The following ZBTB8A variants were observed in gnomAD, a reference collection of about 807,000 sequenced individuals.
ZBTB8A encodes zinc finger and BTB domain containing 8A.
Under a neutral mutation model 37.8 loss-of-function variants are expected in ZBTB8A, and 19 were observed. The observed-to-expected ratio is 0.50, with a 90% CI of 0.35 to 0.74. ZBTB8A has a LOEUF of 0.74. Among genes scored for constraint, ZBTB8A ranks in the 30% least tolerant of loss-of-function variants. The probability of loss-of-function intolerance (pLI) is 0.01; values close to 1 mark genes in which losing one functional copy is unlikely to be tolerated. For synonymous variants in ZBTB8A, 181 were observed against 185.2 expected (o/e 0.98, Z 0.19); for missense variants, 394 against 537.8 (o/e 0.73, Z 2.65).
intron 2 of ZBTB8A, among the ~76,000 whole-genome samples, chr1:32,555,594 C>G (rs1644195050): frequency 6.6e-6 from 1 of 152,082 alleles, no homozygotes; most frequent in African/African-American, 2.4e-5. Flanking sequence ...GCATCTTTTC[C>G]CCATCCTGCC....
At chr1:32,556,828 G>C (rs1644206596) in intron 2 of ZBTB8A, among the ~76,000 whole-genome samples, 1 of 151,954 alleles carries the variant, frequency 6.6e-6, no homozygotes, top group South Asian at 2.1e-4. Context: ...AGTGAGCCGA[G>C]ATTGTGCCAT....
chr1:32,565,004 T>C (rs1265830346), intron 2 of ZBTB8A, among the ~76,000 whole-genome samples: 7 of 152,168 alleles, frequency 4.6e-5, no homozygotes, highest in Non-Finnish European at 1.0e-4. Context: ...GCCCAGTGTT[T>C]CTCAAATTTT....
At chr1:32,592,895 A>G in intron 2 of ZBTB8A, 36 bp from the exon 3 acceptor site, 1 of 1,497,438 alleles carries the variant, frequency 6.7e-7, no homozygotes. Flanking sequence ...ATTGTAATGT[A>G]GGTTTTGGTA....
intron 1 of ZBTB8A, among the ~76,000 whole-genome samples, chr1:32,551,830 C>G (rs1398234298): frequency 6.6e-6 from 1 of 152,210 alleles, no homozygotes; most frequent in African/African-American, 2.4e-5. Context: ...GCTTCTGCCT[C>G]CTGAAATGCT....
chr1:32,550,103 A>G (rs1644139616), intron 1 of ZBTB8A, among the ~76,000 whole-genome samples: 1 of 152,088 alleles, frequency 6.6e-6, no homozygotes, highest in African/African-American at 2.4e-5. Context: ...CATGCCTGTA[A>G]TCTTAGCACT....
Position 32,599,578 on chromosome 1 carries a change from G to A in ZBTB8A, c.994-509G>A, listed in dbSNP as rs545136006. ...CTAAAAATACAAAAATTAGCTGGGC[G>A]TGGTGGCACGTGCCTGTAATACCAG... is the stretch of plus-strand genomic sequence containing the variant. On this transcript the variant is annotated intron_variant, in intron 4 of 4. Coordinates refer to ENST00000373510, the MANE Select transcript of ZBTB8A (RefSeq NM_001040441.3). 4.3e-4 allele frequency among the ~76,000 whole-genome samples: 65 copies of A among 152,128 alleles called. 1 individual carries two copies. Among genetic ancestry groups the A allele is most frequent in the South Asian group, 3.7e-3 (18 of 4,814 alleles).
intron 2 of ZBTB8A, among the ~76,000 whole-genome samples, chr1:32,576,266 T>A (rs1302640062): frequency 1.3e-5 from 2 of 152,242 alleles, no homozygotes; most frequent in African/African-American, 4.8e-5. Flanking sequence ...TGTGGCCTTT[T>A]AAGTAAAAGT....
intron 2 of ZBTB8A, among the ~76,000 whole-genome samples, chr1:32,564,872 C>T (rs1363363669): frequency 1.3e-5 from 2 of 152,150 alleles, no homozygotes; most frequent in Non-Finnish European, 1.5e-5. Flanking sequence ...CCTCAGAGAT[C>T]ATACAGTCCC....
At chr1:32,584,099 G>A (rs112439909) in intron 2 of ZBTB8A, among the ~76,000 whole-genome samples, 1,575 of 152,094 alleles carry the variant, frequency 0.01, 34 homozygotes, top group African/African-American at 0.035. Flanking sequence ...AGACACACAC[G>A]CAGGGAGAAG....
Position 32,579,656 on chromosome 1 carries a change from A to T in ZBTB8A, c.-1-13275A>T, listed in dbSNP as rs576040565. 3.8e-4 allele frequency among the ~76,000 whole-genome samples: 58 copies of T among 152,056 alleles called. No homozygotes were observed. The South Asian group carries it at 4.4e-3, about 11-fold the overall frequency. On this transcript the variant is annotated intron_variant, in intron 2 of 4. Coordinates refer to ENST00000373510, the MANE Select transcript of ZBTB8A (RefSeq NM_001040441.3). ...ACTGATCTCTGCTCCATTCAGTGTG[A>T]TTTTCTCTTCCTGTATTCCAGTCCA...
intron 2 of ZBTB8A, among the ~76,000 whole-genome samples, chr1:32,555,917 A>T (rs562479357): frequency 6.6e-6 from 1 of 151,888 alleles, no homozygotes; most frequent in East Asian, 1.9e-4. Context: ...ATTTTAATTT[A>T]ATTTTTTTTT....
At chr1:32,579,377 G>A (rs1198288055) in intron 2 of ZBTB8A, among the ~76,000 whole-genome samples, 2 of 151,730 alleles carry the variant, frequency 1.3e-5, no homozygotes, top group Admixed American at 6.6e-5. Context: ...CTTCAACCCG[G>A]GAGGCGGAGG....
At chr1:32,550,818 G>C (rs955361785) in intron 1 of ZBTB8A, among the ~76,000 whole-genome samples, 7 of 151,846 alleles carry the variant, frequency 4.6e-5, no homozygotes, top group African/African-American at 1.7e-4. Flanking sequence ...TTAGGCGGGT[G>C]TGGTGGCAGG....
intron 2 of ZBTB8A, among the ~76,000 whole-genome samples, chr1:32,577,586 C>CTTTTTTT (rs775868211): frequency 2.0e-4 from 17 of 86,772 alleles, no homozygotes; most frequent in Non-Finnish European, 2.4e-4. Context: ...ATATTGTATT[C>CTTTTTTT]TTTTTTTTTT....
intron 2 of ZBTB8A, among the ~76,000 whole-genome samples, chr1:32,577,462 T>C (rs1271050799): frequency 2.6e-5 from 4 of 151,980 alleles, no homozygotes. Flanking sequence ...CAGTCTTTTT[T>C]TTTTTTTTAA....
intron 2 of ZBTB8A, among the ~76,000 whole-genome samples, chr1:32,588,347 C>A (rs904382714): frequency 6.6e-6 from 1 of 152,014 alleles, no homozygotes; most frequent in African/African-American, 2.4e-5. Context: ...AGTTACAGGA[C>A]AACTCGCTGG....
At chr1:32,577,307 G>A (rs960712265) in intron 2 of ZBTB8A, among the ~76,000 whole-genome samples, 2 of 151,900 alleles carry the variant, frequency 1.3e-5, no homozygotes, top group Non-Finnish European at 2.9e-5. Flanking sequence ...CGATTCTCAT[G>A]CCTCAACCTC....
rs973203219 is a variant in ZBTB8A, at chr1:32,602,642, C to G, written c.*2223C>G. 3 of 151,972 alleles carry G rather than the reference C, an allele frequency of 2.0e-5. No homozygotes were observed. Among genetic ancestry groups the G allele is most frequent in the African/African-American group, 7.3e-5 (3 of 41,358 alleles). 9.4% of individuals were successfully genotyped at this position (151,972 alleles called of 1,614,324 possible). A position where few individuals can be genotyped will look rare whatever the true frequency, so the allele number is the denominator to read the frequency against. On this transcript the variant is annotated 3_prime_UTR_variant, in exon 5 of 5. Transcript: ENST00000373510. ...CTCAGCTCACTGCAAGCTCCACCTCCCGGGTTCTCGCCATTCTCCTGCCTC... is the reference window on the plus strand; with the variant it reads ...CTCAGCTCACTGCAAGCTCCACCTCGCGGGTTCTCGCCATTCTCCTGCCTC...
At chr1:32,599,974 T>G in intron 4 of ZBTB8A, 113 bp from the exon 5 acceptor site, 1 of 771,798 alleles carries the variant, frequency 1.3e-6, no homozygotes, top group Non-Finnish European at 2.0e-6. Context: ...TAGATGTTAA[T>G]TTGAGTTTAA....
Sources: gnomAD v4.1 joint callset for allele counts (sites outside exome capture counted in the v4.1 genomes callset) on GRCh38, gnomAD v4.1.1 for gene constraint, MANE v1.5 for transcripts, NCBI Gene and HGNC (gene_info 2026-07-23, HGNC 2026-07-21) for gene names.